Variants in ASXL3 observed in about 807,000 individuals in gnomAD.
The protein encoded by ASXL3 is ASXL transcriptional regulator 3, also known as putative Polycomb group protein ASXL3.
Under a neutral mutation model 170.6 loss-of-function variants are expected in ASXL3, and 34 were observed. The ratio of observed to expected loss-of-function variants is 0.20; its 90% CI spans 0.15 to 0.27. The LOEUF (loss-of-function observed/expected upper bound fraction) is 0.27, where lower values mean the gene tolerates loss of function less well. Ranked by LOEUF, ASXL3 falls within the 10% of genes least tolerant of loss-of-function variation. The pLI, the probability that ASXL3 is intolerant of heterozygous loss-of-function variation, is 1.00. For synonymous variants in ASXL3, 1,002 were observed against 989.1 expected, an observed-to-expected ratio of 1.01 and a Z score of -0.24; for missense variants, 2,592 against 2,695.3, an observed-to-expected ratio of 0.96 and a Z score of 0.85.
chr18:33,599,347 G>A (rs2065160351), intron 1 of ASXL3, among the ~76,000 whole-genome samples: 1 of 152,074 alleles, frequency 6.6e-6, no homozygotes, highest in Admixed American at 6.6e-5. Context: ...TAAACTGGGT[G>A]GTAGTATAAT....
chr18:33,660,001 A>T (rs2066145969), intron 4 of ASXL3, among the ~76,000 whole-genome samples: 1 of 152,040 alleles, frequency 6.6e-6, no homozygotes, highest in South Asian at 2.1e-4. Context: ...CAACTAAATT[A>T]TGCTTCTTTA....
chr18:33,606,234 C>T (rs371618839), intron 1 of ASXL3, among the ~76,000 whole-genome samples: 4 of 152,098 alleles, frequency 2.6e-5, no homozygotes, highest in African/African-American at 9.6e-5. Context: ...CTACAGTGTC[C>T]TCTTCTGCAA....
intron 8 of ASXL3, among the ~76,000 whole-genome samples, chr18:33,693,894 T>C (rs1054103221): frequency 6.6e-6 from 1 of 152,064 alleles, no homozygotes; most frequent in Admixed American, 6.6e-5. Context: ...TCAGGCAGCA[T>C]AGGAAGGAAA....
At chr18:33,631,418 C>T (rs775121307) in intron 2 of ASXL3, among the ~76,000 whole-genome samples, 29 of 151,962 alleles carry the variant, frequency 1.9e-4, no homozygotes, top group Non-Finnish European at 2.5e-4. Context: ...CCAAGTGATG[C>T]GTCTTGCTTA....
chr18:33,657,934 C>T (rs1229657302), intron 4 of ASXL3, among the ~76,000 whole-genome samples: 1 of 152,060 alleles, frequency 6.6e-6, no homozygotes, highest in Non-Finnish European at 1.5e-5. Context: ...TTTGTTTCCT[C>T]ATCTTCAGTT....
chr18:33,581,092 G>T (rs935177743), intron 1 of ASXL3, among the ~76,000 whole-genome samples: 2 of 151,968 alleles, frequency 1.3e-5, no homozygotes, highest in African/African-American at 2.4e-5. Flanking sequence ...TTTTCTTTAT[G>T]ATTACGTGAA....
intron 2 of ASXL3, among the ~76,000 whole-genome samples, chr18:33,617,414 C>T (rs2145145230): frequency 6.6e-6 from 1 of 152,246 alleles, no homozygotes; most frequent in East Asian, 1.9e-4. Context: ...TTGCTTGAAC[C>T]TGGGAGGCGG....
At chr18:33,621,187 G>A (rs1397672109) in intron 2 of ASXL3, among the ~76,000 whole-genome samples, 3 of 152,116 alleles carry the variant, frequency 2.0e-5, no homozygotes, top group African/African-American at 7.2e-5. Context: ...AATAAACTAA[G>A]GCTTAGGAAA....
chr18:33,741,165 TTAATTTCCGAAGCAA>T (rs2067654897), intron 11 of ASXL3, among the ~76,000 whole-genome samples: 1 of 152,192 alleles, frequency 6.6e-6, no homozygotes. Flanking sequence ...ACTATGCATT[TTAATTTCCGAAGCAA>T]TAGAAATAAT....
intron 2 of ASXL3, among the ~76,000 whole-genome samples, chr18:33,623,897 G>A (rs557659677): frequency 6.6e-6 from 1 of 152,196 alleles, no homozygotes; most frequent in South Asian, 2.1e-4. Context: ...GCTGGCTTGT[G>A]CCTGTAATCC....
At chr18:33,633,157 G>C (rs1042834664) in intron 2 of ASXL3, among the ~76,000 whole-genome samples, 12 of 152,052 alleles carry the variant, frequency 7.9e-5, no homozygotes, top group African/African-American at 2.9e-4. Context: ...TCATTAACTA[G>C]TTACTTTCAT....
chr18:33,678,380 C>T (rs2066463164), intron 7 of ASXL3, among the ~76,000 whole-genome samples: 1 of 152,192 alleles, frequency 6.6e-6, no homozygotes, highest in Admixed American at 6.5e-5. Flanking sequence ...TCTGTGTGTG[C>T]ACACTTCATG....
chr18:33,746,690 C>CTAAT lies in ASXL3; in HGVS notation c.*97_*100dup, dbSNP rs2067800936. 1 of 1,471,332 alleles carries CTAAT rather than the reference C, an allele frequency of 6.8e-7. No homozygotes were observed. The highest frequency in any genetic ancestry group is 8.9e-7 in the Non-Finnish European group (1 of 1,117,702). 91.1% of individuals were successfully genotyped at this position (1,471,332 alleles called of 1,614,324 possible). On this transcript the variant is annotated 3_prime_UTR_variant, in exon 12 of 12. Coordinates refer to ENST00000269197, the MANE Select transcript of ASXL3 (RefSeq NM_030632.3). Reference sequence around the variant, plus strand: ...GAATAATGCAGTGGTTTCTATCATGCTAATTTATTTTGCTTTGGAGCAGGT... The same window carrying CTAAT: ...GAATAATGCAGTGGTTTCTATCATGCTAATTAATTTATTTTGCTTTGGAGCAGGT...
At chr18:33,595,342 G>A (rs1386140246) in intron 1 of ASXL3, among the ~76,000 whole-genome samples, 1 of 152,142 alleles carries the variant, frequency 6.6e-6, no homozygotes, top group East Asian at 1.9e-4. Flanking sequence ...TGCCAGTGAT[G>A]AGGTTTTAGA....
chr18:33,745,184 C>T lies in ASXL3; in HGVS notation c.5336C>T (p.Pro1779Leu), dbSNP rs774891153. 6.2e-7 allele frequency: 1 copy of T among 1,614,010 alleles called. No homozygotes were observed. The highest frequency in any genetic ancestry group is 1.7e-5 in the Admixed American group (1 of 60,036). ...GCCAAGCTTGAAATCAACAGGCTTC[C>T]ATTGCCTCTTCAAACTACCTCAGTG... is the stretch of plus-strand genomic sequence containing the variant. ...LGAKLEINRL[P>L]LPLQTTSVGK... Residue 1779 changes from proline (P) to leucine (L), a missense_variant, in exon 12 of 12, where the codon CCA (proline) becomes CTA (leucine). This residue lies in a region of ASXL3 where 2,246 missense variants were observed against 2,219.6 expected (regional missense o/e 1.01). Transcript: ENST00000269197.
At chr18:33,640,442 T>C in intron 2 of ASXL3, among the ~76,000 whole-genome samples, 1 of 152,060 alleles carries the variant, frequency 6.6e-6, no homozygotes, top group East Asian at 1.9e-4. Flanking sequence ...GAGTTGTCAG[T>C]TGATGTACAC....
At chr18:33,645,752 G>A (rs995646195) in intron 3 of ASXL3, among the ~76,000 whole-genome samples, 1 of 90,638 alleles carries the variant, frequency 1.1e-5, no homozygotes, top group Non-Finnish European at 2.1e-5. Flanking sequence ...AACTACATGT[G>A]AGTTTTTTTT....
chr18:33,692,708 C>CACAT (rs1326846343), intron 8 of ASXL3, among the ~76,000 whole-genome samples: 1 of 152,142 alleles, frequency 6.6e-6, no homozygotes. Flanking sequence ...TTTTGCCTAG[C>CACAT]ACATAGTAGG....
chr18:33,722,392 C>T (rs2067277551), intron 8 of ASXL3, among the ~76,000 whole-genome samples: 1 of 152,100 alleles, frequency 6.6e-6, no homozygotes, highest in Admixed American at 6.6e-5. Context: ...TGCTACTGCA[C>T]TGAACACACA....
Sources: allele counts gnomAD v4.1 joint callset (sites outside exome capture counted in the v4.1 genomes callset), GRCh38; gene constraint gnomAD v4.1.1; regional missense constraint gnomAD v4.1.1; transcripts MANE v1.5; gene names NCBI Gene and HGNC (gene_info 2026-07-23, HGNC 2026-07-21).